The following WNK3 variants were observed in gnomAD, a reference collection of about 807,000 sequenced individuals.
The protein encoded by WNK3 is serine/threonine-protein kinase WNK3.
A neutral mutation model predicts 116.7 loss-of-function variants in WNK3; 18 were observed. The observed-to-expected ratio is 0.15, with a 90% CI of 0.11 to 0.23. The LOEUF (loss-of-function observed/expected upper bound fraction) is 0.23, where lower values mean the gene tolerates loss of function less well. Among genes scored for constraint, WNK3 ranks in the 10% least tolerant of loss-of-function variants. The pLI is 1.00. For synonymous variants in WNK3, 404 were observed against 469.4 expected, an observed-to-expected ratio of 0.86 and a Z score of 1.80; for missense variants, 993 against 1,323.8, an observed-to-expected ratio of 0.75 and a Z score of 3.88.
chrX:54,313,948 T>C (rs2068918125), intron 2 of WNK3, among the ~76,000 whole-genome samples: 1 of 109,851 alleles, frequency 9.1e-6, no homozygotes, highest in Non-Finnish European at 1.9e-5. Flanking sequence ...TCCCAGCACT[T>C]TGGGAGGCCA....
intron 22 of WNK3, among the ~76,000 whole-genome samples, chrX:54,203,967 T>G (rs111514356): frequency 0.01 from 1,108 of 109,601 alleles, 11 homozygotes; most frequent in African/African-American, 0.036. Context: ...AATAATACAA[T>G]AAAATAAATG....
At chrX:54,243,307 G>C (rs782671343) in intron 17 of WNK3, among the ~76,000 whole-genome samples, 27 of 106,652 alleles carry the variant, frequency 2.5e-4, no homozygotes, top group African/African-American at 9.2e-4. Flanking sequence ...TGTAGTCCTA[G>C]CTACTCGGGA....
chrX:54,214,496 C>T (rs1299112311), intron 22 of WNK3, among the ~76,000 whole-genome samples: 8 of 111,362 alleles, frequency 7.2e-5, no homozygotes, highest in African/African-American at 2.6e-4. Context: ...AAAATATAGG[C>T]AAAACAACTA....
exon 2 of WNK3, chrX:54,333,416 A>C: frequency 8.3e-7 from 1 of 1,211,764 alleles, no homozygotes; most frequent in Non-Finnish European, 1.1e-6. Context: ...CTCTTGGAAT[A>C]TTCATTGCAG....
intron 11 of WNK3, among the ~76,000 whole-genome samples, chrX:54,256,270 T>C (rs2068192120): frequency 8.9e-6 from 1 of 111,900 alleles, no homozygotes; most frequent in Non-Finnish European, 1.9e-5. Flanking sequence ...GTTTGTTTGG[T>C]TACTTTATTA....
exon 3 of WNK3, chrX:54,311,196 A>G (rs782222067): frequency 1.7e-6 from 2 of 1,189,114 alleles, no homozygotes; most frequent in Admixed American, 4.4e-5. Context: ...ATTCCCAGGA[A>G]TCATAAAATC....
At chrX:54,304,183 T>C (rs1165840479) in intron 5 of WNK3, among the ~76,000 whole-genome samples, 1 of 110,827 alleles carries the variant, frequency 9.0e-6, no homozygotes, top group African/African-American at 3.3e-5. Flanking sequence ...ATCACGTCAT[T>C]TCACCCATGA....
intron 2 of WNK3, among the ~76,000 whole-genome samples, chrX:54,320,623 C>A (rs1216097125): frequency 1.0e-4 from 11 of 109,667 alleles, no homozygotes; most frequent in Admixed American, 9.8e-4. Context: ...CCTGGGCTCA[C>A]ATGATCCTCT....
intron 10 of WNK3, among the ~76,000 whole-genome samples, chrX:54,261,027 G>C (rs2146974256): frequency 9.1e-6 from 1 of 110,091 alleles, no homozygotes; most frequent in Non-Finnish European, 1.9e-5. Context: ...ACCACGCCTG[G>C]CCCATTTTCA....
chrX:54,221,343 T>C (rs2067758231), intron 22 of WNK3, among the ~76,000 whole-genome samples: 1 of 112,160 alleles, frequency 8.9e-6, no homozygotes, highest in African/African-American at 3.2e-5. Context: ...ATAACTCTAC[T>C]TTTCCTACCT....
intron 22 of WNK3, among the ~76,000 whole-genome samples, chrX:54,222,659 C>T (rs1484565228): frequency 9.3e-6 from 1 of 108,038 alleles, no homozygotes; most frequent in African/African-American, 3.4e-5. Flanking sequence ...GGCAGATCAC[C>T]TGAAGTCAGG....
At chrX:54,333,648 G>A (rs782511442) in exon 2 of WNK3, 7 of 1,196,839 alleles carry the variant, frequency 5.8e-6, no homozygotes, top group African/African-American at 1.8e-5. Flanking sequence ...TTCTGTGCTG[G>A]CTGGATCCCC....
intron 2 of WNK3, among the ~76,000 whole-genome samples, chrX:54,315,445 CAT>C (rs1194603649): frequency 9.0e-6 from 1 of 111,381 alleles, no homozygotes; most frequent in Non-Finnish European, 1.9e-5. Flanking sequence ...TCAATGTCAA[CAT>C]ATGTTAGTTA....
intron 22 of WNK3, among the ~76,000 whole-genome samples, chrX:54,226,563 C>T (rs1207091295): frequency 3.7e-5 from 4 of 108,227 alleles, no homozygotes; most frequent in African/African-American, 3.4e-5. Context: ...AGGAATAGGC[C>T]GGGCACGGTG....
chrX:54,316,986 A>G (rs1274148467), intron 2 of WNK3, among the ~76,000 whole-genome samples: 2 of 111,210 alleles, frequency 1.8e-5, no homozygotes, highest in Non-Finnish European at 3.8e-5. Flanking sequence ...AGACACAGAC[A>G]TTTGTAGAAC....
chrX:54,284,740 G>C (rs2068560134), intron 10 of WNK3, among the ~76,000 whole-genome samples: 1 of 111,797 alleles, frequency 8.9e-6, no homozygotes, highest in Admixed American at 9.5e-5. Context: ...GGAGGCTGAG[G>C]CTGGCAGATC....
chrX:54,345,014 C>A (rs1388829495), intron 1 of WNK3, among the ~76,000 whole-genome samples: 1 of 109,092 alleles, frequency 9.2e-6, no homozygotes, highest in Admixed American at 9.9e-5. Flanking sequence ...CTCTGGGAGG[C>A]CGAGGCGGGC....
chrX:54,206,753 G>T (rs957669783), intron 22 of WNK3, among the ~76,000 whole-genome samples: 2 of 112,231 alleles, frequency 1.8e-5, no homozygotes, highest in African/African-American at 6.5e-5. Context: ...GTGAAGGCTG[G>T]GCACGGTGGC....
intron 2 of WNK3, among the ~76,000 whole-genome samples, chrX:54,332,837 C>T (rs2069185645): frequency 9.6e-6 from 1 of 104,338 alleles, no homozygotes; most frequent in Non-Finnish European, 2.0e-5. Flanking sequence ...TGCACTCCAG[C>T]CTGGGTGACA....
Sources: gnomAD v4.1 joint callset for allele counts (sites outside exome capture counted in the v4.1 genomes callset) on GRCh38, gnomAD v4.1.1 for gene constraint, MANE v1.5 for transcripts, NCBI Gene and HGNC (gene_info 2026-07-23, HGNC 2026-07-21) for gene names.